The following AGPAT3 variants were observed in gnomAD, a reference collection of about 807,000 sequenced individuals.
AGPAT3 encodes the protein 1-acylglycerol-3-phosphate O-acyltransferase 3, also known as 1-acyl-sn-glycerol-3-phosphate acyltransferase gamma.
In AGPAT3, 5 loss-of-function variants were observed where a neutral mutation model predicts 47.3. That is an observed-to-expected ratio of 0.11 (90% CI 0.06 to 0.22). The LOEUF (loss-of-function observed/expected upper bound fraction) is 0.22, where lower values mean the gene tolerates loss of function less well. AGPAT3 is among the 10% of genes least tolerant of loss of function. AGPAT3 has a pLI of 1.00. For synonymous variants in AGPAT3, 212 were observed against 208.3 expected (o/e 1.02, Z -0.15); for missense variants, 315 against 493.0 (o/e 0.64, Z 3.42).
At chr21:43,867,505 T>C (rs2085533759) in intron 1 of AGPAT3, 1 of 152,288 alleles carries the variant, frequency 6.6e-6, no homozygotes, top group Non-Finnish European at 1.5e-5. Flanking sequence ...CCGCTTAGGC[T>C]CTCACATTGC....
At chr21:43,902,906 G>A (rs1320530056) in intron 1 of AGPAT3, among the ~76,000 whole-genome samples, 5 of 152,140 alleles carry the variant, frequency 3.3e-5, no homozygotes, top group Non-Finnish European at 5.9e-5. Flanking sequence ...AGGCTGAGGT[G>A]GGAGAATCAC....
chr21:43,873,597 C>T (rs1249014506), intron 1 of AGPAT3, among the ~76,000 whole-genome samples: 5 of 152,064 alleles, frequency 3.3e-5, no homozygotes, highest in South Asian at 2.1e-4. Context: ...AGGCTGGTCT[C>T]GAACTCCTGA....
intron 2 of AGPAT3, among the ~76,000 whole-genome samples, chr21:43,946,299 T>C (rs1006287366): frequency 1.3e-5 from 2 of 152,086 alleles, no homozygotes; most frequent in Non-Finnish European, 2.9e-5. Flanking sequence ...AATTGCAAAA[T>C]ATAATGAAAA....
intron 1 of AGPAT3, among the ~76,000 whole-genome samples, chr21:43,891,324 C>T (rs1415227425): frequency 1.3e-5 from 2 of 152,158 alleles, no homozygotes; most frequent in Non-Finnish European, 2.9e-5. Context: ...AAACCATTTG[C>T]TTTGCTCATC....
intron 1 of AGPAT3, among the ~76,000 whole-genome samples, chr21:43,903,046 A>G (rs1290833212): frequency 6.6e-6 from 1 of 152,206 alleles, no homozygotes; most frequent in Non-Finnish European, 1.5e-5. Flanking sequence ...CATTCAGTCC[A>G]TAGTGTCTGT....
chr21:43,930,742 C>T lies in AGPAT3; in HGVS notation c.-49+26723C>T, dbSNP rs1679065917. ...TTGCTGGCACATTCCCAGGGGGCTG[C>T]TGTAGGGCCAGTGTCCCCTCCTGGG... On this transcript the variant is annotated intron_variant, in intron 2 of 9. Transcript: ENST00000291572. The surrounding 1 kb of genome is among the most constrained non-coding windows in gnomAD (Gnocchi z 5.0). 6.6e-6 allele frequency among the ~76,000 whole-genome samples: 1 copy of T among 152,160 alleles called. No individual in the cohort carries two copies. The highest frequency in any genetic ancestry group is 2.4e-5 in the African/African-American group (1 of 41,436).
At chr21:43,872,367 G>A (rs1257964956) in intron 1 of AGPAT3, among the ~76,000 whole-genome samples, 1 of 152,060 alleles carries the variant, frequency 6.6e-6, no homozygotes, top group Non-Finnish European at 1.5e-5. Context: ...TTTTAGTAGA[G>A]ACAGGGTTTC....
At chr21:43,975,765 A>C (rs2089595929) in intron 7 of AGPAT3, among the ~76,000 whole-genome samples, 1 of 152,148 alleles carries the variant, frequency 6.6e-6, no homozygotes, top group Non-Finnish European at 1.5e-5. Flanking sequence ...TTTGGCTTAC[A>C]ACGCAGCGAT....
intron 2 of AGPAT3, among the ~76,000 whole-genome samples, chr21:43,923,160 T>TCACCAGCACACCACCAGTGCC (rs1279921691): frequency 6.7e-6 from 1 of 148,442 alleles, no homozygotes; most frequent in Non-Finnish European, 1.5e-5. Flanking sequence ...GGACCTGTGC[T>TCACCAGCACACCACCAGTGCC]CACCAGCACA....
At position 43,981,491 on chromosome 21, in the gene AGPAT3, T is replaced by C. The variant is rs531983113; in HGVS notation, c.1042+304T>C. 4,639 of 458,742 alleles carry C rather than the reference T, an allele frequency of 0.01. 45 individuals carry two copies. The highest frequency in any genetic ancestry group is 0.022 in the South Asian group (970 of 44,042). 28.4% of individuals were successfully genotyped at this position (458,742 alleles called of 1,614,324 possible). On this transcript the variant is annotated intron_variant, in intron 9 of 9. Coordinates refer to ENST00000291572, the MANE Select transcript of AGPAT3 (RefSeq NM_020132.5). This position sits in a 1 kb window ranked among gnomAD's most constrained non-coding sequence, Gnocchi z 5.3. ...TCCCCGAGAGGGTCCCCAGCCCCCCTGTCTGCTTTTGGGCTCTTAGGGGTC... is the reference window on the plus strand; with the variant it reads ...TCCCCGAGAGGGTCCCCAGCCCCCCCGTCTGCTTTTGGGCTCTTAGGGGTC...
intron 2 of AGPAT3, among the ~76,000 whole-genome samples, chr21:43,951,139 C>T (rs1280721996): frequency 1.3e-5 from 2 of 151,762 alleles, no homozygotes; most frequent in Non-Finnish European, 2.9e-5. Context: ...CACACAAGGC[C>T]CTCCCGTGCC....
At chr21:43,895,478 T>C (rs141319733) in intron 1 of AGPAT3, among the ~76,000 whole-genome samples, 14 of 152,188 alleles carry the variant, frequency 9.2e-5, no homozygotes, top group Admixed American at 2.0e-4. Flanking sequence ...AGGAACTGTT[T>C]AGGCTGCGTC....
intron 2 of AGPAT3, among the ~76,000 whole-genome samples, chr21:43,925,750 T>C (rs1181725869): frequency 2.0e-5 from 3 of 152,248 alleles, no homozygotes; most frequent in Admixed American, 6.5e-5. Context: ...GTGACATTCA[T>C]GCATCTGGCC....
chr21:43,909,412 C>G (rs1404104677), intron 2 of AGPAT3, among the ~76,000 whole-genome samples: 1 of 151,848 alleles, frequency 6.6e-6, no homozygotes, highest in Non-Finnish European at 1.5e-5. Context: ...TCTCCTGCCT[C>G]AGCCTCCCGA....
chr21:43,881,936 C>A (rs1025364726), intron 1 of AGPAT3, among the ~76,000 whole-genome samples: 1 of 152,248 alleles, frequency 6.6e-6, no homozygotes, highest in African/African-American at 2.4e-5. Context: ...GGATTACAGG[C>A]GTGAGCCACC....
rs2086566641 is a variant in AGPAT3, at chr21:43,908,967, C to T, written c.-49+4948C>T. The stretch of plus-strand genomic sequence containing the variant: ...TCCTGGGTCCTTACGTGCCCTGTCA[C>T]AGCCAGCCCTGCCCTGGAGAGAGAG... On this transcript the variant is annotated intron_variant, in intron 2 of 9. Coordinates refer to ENST00000291572, the MANE Select transcript of AGPAT3 (RefSeq NM_020132.5). The surrounding 1 kb of genome is among the most constrained non-coding windows in gnomAD (Gnocchi z 4.9). Among the ~76,000 whole-genome samples the T allele has an allele frequency of 6.6e-6, 1 of 152,232 alleles. No homozygotes were observed. The highest frequency in any genetic ancestry group is 6.5e-5 in the Admixed American group (1 of 15,284).
At chr21:43,927,881 G>C (rs957862806) in intron 2 of AGPAT3, among the ~76,000 whole-genome samples, 1 of 152,216 alleles carries the variant, frequency 6.6e-6, no homozygotes, top group Admixed American at 6.5e-5. Context: ...TGGTGAGGGC[G>C]ACCGACGTGC....
chr21:43,904,179 C>T (rs1011257255), intron 2 of AGPAT3, among the ~76,000 whole-genome samples, 160 bp downstream of exon 2: 6 of 151,960 alleles, frequency 3.9e-5, no homozygotes, highest in African/African-American at 1.5e-4. Flanking sequence ...TATATTTTAA[C>T]CTTTGCTTAT....
chr21:43,955,898 T>G lies in AGPAT3; in HGVS notation c.-48-3736T>G, dbSNP rs2088430361. Reference sequence around the variant, plus strand: ...CTGGGCAACAGTGAGATAATCTGTCTCAAAAAAAAAAAAAAAAATCAGATT... The same window carrying G: ...CTGGGCAACAGTGAGATAATCTGTCGCAAAAAAAAAAAAAAAAATCAGATT... On this transcript the variant is annotated intron_variant, in intron 2 of 9. Coordinates refer to ENST00000291572, the MANE Select transcript of AGPAT3 (RefSeq NM_020132.5). The surrounding 1 kb of genome is among the most constrained non-coding windows in gnomAD (Gnocchi z 4.1). 8.1e-6 allele frequency among the ~76,000 whole-genome samples: 1 copy of G among 122,736 alleles called. No individual in the cohort carries two copies. The highest frequency in any genetic ancestry group is 3.4e-5 in the African/African-American group (1 of 29,318). 80.5% of individuals were successfully genotyped at this position (122,736 alleles called of 152,430 possible).
Sources: allele counts gnomAD v4.1 joint callset (sites outside exome capture counted in the v4.1 genomes callset), GRCh38; gene constraint gnomAD v4.1.1; non-coding constraint Gnocchi (gnomAD v3.1); transcripts MANE v1.5; gene names NCBI Gene and HGNC (gene_info 2026-07-23, HGNC 2026-07-21).